SYN3: variants seen among roughly 807,000 people sequenced by gnomAD.
The protein encoded by SYN3 is synapsin III.
Under a neutral mutation model 65.8 loss-of-function variants are expected in SYN3, and 35 were observed. The ratio of observed to expected loss-of-function variants is 0.53; its 90% CI spans 0.41 to 0.70. The LOEUF is 0.70. Among genes scored for constraint, SYN3 ranks in the 30% least tolerant of loss-of-function variants. The pLI, the probability that SYN3 is intolerant of heterozygous loss-of-function variation, is 0.00. For missense variants in SYN3, 680 were observed against 749.0 expected, an observed-to-expected ratio of 0.91 and a Z score of 1.08; for synonymous variants, 270 against 292.9, an observed-to-expected ratio of 0.92 and a Z score of 0.80.
intron 2 of SYN3, among the ~76,000 whole-genome samples, chr22:32,990,318 ATCC>A (rs1270066760): frequency 6.6e-6 from 1 of 151,336 alleles, no homozygotes; most frequent in African/African-American, 2.4e-5. Flanking sequence ...CCATCCATCC[ATCC>A]ATCCATCCAT....
At chr22:32,988,969 C>T (rs766925462) in intron 2 of SYN3, among the ~76,000 whole-genome samples, 12 of 150,590 alleles carry the variant, frequency 8.0e-5, no homozygotes, top group Admixed American at 7.3e-4. Flanking sequence ...CTTCCTCTTC[C>T]GTAGATGGGG....
Position 33,049,691 on chromosome 22 carries a change from C to A in SYN3, c.-163+8601G>T, listed in dbSNP as rs142857548. Among the ~76,000 whole-genome samples the A allele has an allele frequency of 2.3e-3, 351 of 152,306 alleles. 2 individuals carry two copies. Among genetic ancestry groups the A allele is most frequent in the African/African-American group, 8.2e-3 (341 of 41,564 alleles). On this transcript the variant is annotated intron_variant, in intron 1 of 13. Coordinates refer to ENST00000358763, the MANE Select transcript of SYN3 (RefSeq NM_003490.4). ...TAGTCGGGAAGACAAAGAACAAAAA[C>A]CACACGGCATGTGGCAACTACTCTT...
chr22:32,904,201 C>T (rs2049839821), intron 4 of SYN3, among the ~76,000 whole-genome samples: 1 of 152,202 alleles, frequency 6.6e-6, no homozygotes, highest in Non-Finnish European at 1.5e-5. Context: ...GACTACATTT[C>T]CCAGCAGGCC....
chr22:32,967,225 A>C (rs1371325767), intron 3 of SYN3, among the ~76,000 whole-genome samples: 1 of 152,210 alleles, frequency 6.6e-6, no homozygotes, highest in Non-Finnish European at 1.5e-5. Flanking sequence ...CCGCCAGTGG[A>C]AACTCTCTCA....
chr22:32,958,556 C>T (rs767283436), intron 3 of SYN3, among the ~76,000 whole-genome samples: 1 of 152,148 alleles, frequency 6.6e-6, no homozygotes, highest in African/African-American at 2.4e-5. Context: ...TTATTACATA[C>T]TATATTTGTA....
intron 7 of SYN3, among the ~76,000 whole-genome samples, chr22:32,588,738 T>C (rs190051007): frequency 1.6e-4 from 25 of 152,292 alleles, no homozygotes; most frequent in Non-Finnish European, 4.4e-5. Flanking sequence ...GAACCTTGAC[T>C]CCAGATTCTG....
chr22:32,875,700 G>T (rs2048964988), intron 4 of SYN3, among the ~76,000 whole-genome samples: 2 of 152,148 alleles, frequency 1.3e-5, no homozygotes, highest in Non-Finnish European at 1.5e-5. Flanking sequence ...GTCAGAGATT[G>T]GAGTGATGTG....
chr22:32,678,317 G>A (rs1253301912), intron 6 of SYN3, among the ~76,000 whole-genome samples: 1 of 152,138 alleles, frequency 6.6e-6, no homozygotes. Flanking sequence ...CTCACTGTGG[G>A]CTCTCAGATG....
At chr22:32,669,479 C>T (rs767839239) in intron 6 of SYN3, among the ~76,000 whole-genome samples, 18 of 152,190 alleles carry the variant, frequency 1.2e-4, no homozygotes, top group Non-Finnish European at 2.4e-4. Flanking sequence ...AGTCTGGAGT[C>T]ATAAACACTG....
chr22:32,578,410 C>T (rs1016672497), intron 7 of SYN3, among the ~76,000 whole-genome samples: 1 of 151,944 alleles, frequency 6.6e-6, no homozygotes. Flanking sequence ...CCACACCTGG[C>T]ATTTTTTTAT....
chr22:32,918,432 G>A (rs2050245859), intron 4 of SYN3, among the ~76,000 whole-genome samples: 1 of 152,086 alleles, frequency 6.6e-6, no homozygotes, highest in South Asian at 2.1e-4. Context: ...GAATATAGTG[G>A]GAACAAAGCA....
intron 10 of SYN3, among the ~76,000 whole-genome samples, chr22:32,529,443 C>T (rs886572007): frequency 6.6e-6 from 1 of 152,066 alleles, no homozygotes; most frequent in Non-Finnish European, 1.5e-5. Flanking sequence ...AAAAATATGA[C>T]GCGGGCTGGA....
chr22:32,824,719 G>C (rs768781012), intron 6 of SYN3, among the ~76,000 whole-genome samples: 4 of 152,166 alleles, frequency 2.6e-5, no homozygotes, highest in Non-Finnish European at 5.9e-5. Flanking sequence ...GAAACATTTG[G>C]ATCCATTTCC....
intron 7 of SYN3, among the ~76,000 whole-genome samples, chr22:32,573,009 G>A (rs1038922859): frequency 8.5e-5 from 13 of 152,208 alleles, no homozygotes; most frequent in African/African-American, 3.1e-4. Flanking sequence ...AGAGGTGATT[G>A]TTAAATATTT....
intron 2 of SYN3, among the ~76,000 whole-genome samples, chr22:32,981,697 T>C (rs1189233503): frequency 1.3e-5 from 2 of 152,188 alleles, no homozygotes; most frequent in Non-Finnish European, 2.9e-5. Flanking sequence ...ATGATGGCTA[T>C]GCTGACTATC....
intron 13 of SYN3, among the ~76,000 whole-genome samples, chr22:32,515,905 TCTC>T (rs2057763894): frequency 6.6e-6 from 1 of 152,004 alleles, no homozygotes; most frequent in African/African-American, 2.4e-5. Context: ...TTCACGCCAT[TCTC>T]CTGCCTCAGC....
At chr22:32,551,296 C>T (rs1474957459) in intron 7 of SYN3, among the ~76,000 whole-genome samples, 1 of 152,162 alleles carries the variant, frequency 6.6e-6, no homozygotes, top group Non-Finnish European at 1.5e-5. Flanking sequence ...AACAGAGAGA[C>T]TTGCCAGTCA....
At chr22:32,720,443 C>G (rs942843180) in intron 6 of SYN3, among the ~76,000 whole-genome samples, 4 of 152,178 alleles carry the variant, frequency 2.6e-5, no homozygotes, top group African/African-American at 9.7e-5. Flanking sequence ...GCCCAAGTGA[C>G]TTGCCCATGT....
chr22:32,962,432 C>A (rs1037135514), intron 3 of SYN3, among the ~76,000 whole-genome samples: 3 of 152,132 alleles, frequency 2.0e-5, no homozygotes, highest in Non-Finnish European at 2.9e-5. Context: ...CTACGCCCAG[C>A]CTACTTTTAG....
Sources: allele counts gnomAD v4.1 joint callset (sites outside exome capture counted in the v4.1 genomes callset), GRCh38; gene constraint gnomAD v4.1.1; transcripts MANE v1.5; gene names NCBI Gene and HGNC (gene_info 2026-07-23, HGNC 2026-07-21).